Variants in P2RY8 observed in about 807,000 individuals in gnomAD.
P2RY8 encodes the protein P2Y receptor family member 8.
A neutral mutation model predicts 10.0 loss-of-function variants in P2RY8; 6 were observed. That is an observed-to-expected ratio of 0.60 (90% CI 0.33 to 1.19). The LOEUF (loss-of-function observed/expected upper bound fraction) is 1.19. Ranked by LOEUF, P2RY8 falls within the 50% of genes most tolerant of loss-of-function variation. The pLI is 0.04. For missense variants in P2RY8, 456 were observed against 542.0 expected (o/e 0.84, Z 1.58); for synonymous variants, 276 against 252.5 (o/e 1.09, Z -0.88).
intron 1 of P2RY8, among the ~76,000 whole-genome samples, chrX:1,523,983 G>A: frequency 6.6e-6 from 1 of 152,178 alleles, no homozygotes; most frequent in Non-Finnish European, 1.5e-5. Context: ...GAGCCACTGT[G>A]CCCGGCAAAG....
At chrX:1,527,330 A>G (rs1237989476) in intron 1 of P2RY8, among the ~76,000 whole-genome samples, 1 of 151,962 alleles carries the variant, frequency 6.6e-6, no homozygotes, top group Non-Finnish European at 1.5e-5. Flanking sequence ...CCATCCATCC[A>G]TCCATCCGTT....
At chrX:1,521,313 T>A (rs1327058007) in intron 1 of P2RY8, among the ~76,000 whole-genome samples, 1 of 152,156 alleles carries the variant, frequency 6.6e-6, no homozygotes. Context: ...CCCAAAGTGC[T>A]GGGATTACAG....
intron 1 of P2RY8, among the ~76,000 whole-genome samples, chrX:1,535,007 C>A (rs1390286328): frequency 2.6e-5 from 4 of 151,768 alleles, no homozygotes; most frequent in African/African-American, 9.7e-5. Flanking sequence ...CACAGGGTTG[C>A]CCACCGTCCC....
chrX:1,518,097 G>A (rs1485429204), intron 1 of P2RY8, among the ~76,000 whole-genome samples: 5 of 136,382 alleles, frequency 3.7e-5, no homozygotes, highest in Admixed American at 3.2e-4. Context: ...CAACAACAGC[G>A]AAACTCCATC....
At chrX:1,524,770 C>T in intron 1 of P2RY8, among the ~76,000 whole-genome samples, 1 of 103,396 alleles carries the variant, frequency 9.7e-6, no homozygotes, top group Non-Finnish European at 2.3e-5. Flanking sequence ...TCCATCCATC[C>T]ATCCATCCAT....
intron 1 of P2RY8, among the ~76,000 whole-genome samples, chrX:1,509,811 A>ATCCATCCAT (rs1569538170): frequency 4.5e-5 from 4 of 89,182 alleles, no homozygotes; most frequent in African/African-American, 7.4e-5. Context: ...CTATCTATCT[A>ATCCATCCAT]TCTATCTATC....
intron 1 of P2RY8, among the ~76,000 whole-genome samples, chrX:1,471,630 G>T (rs1315041159): frequency 1.3e-5 from 2 of 152,004 alleles, no homozygotes; most frequent in Non-Finnish European, 2.9e-5. Flanking sequence ...TGGCTATTGT[G>T]CATAAAGCTG....
At chrX:1,484,174 T>A (rs1603456715) in intron 1 of P2RY8, among the ~76,000 whole-genome samples, 1 of 152,150 alleles carries the variant, frequency 6.6e-6, no homozygotes, top group Non-Finnish European at 1.5e-5. Context: ...GTTTTTCTCT[T>A]GCTCCCTGGA....
At chrX:1,527,006 G>T (rs182751405) in intron 1 of P2RY8, among the ~76,000 whole-genome samples, 2 of 152,240 alleles carry the variant, frequency 1.3e-5, no homozygotes, top group Non-Finnish European at 2.9e-5. Flanking sequence ...GGATTCTCCT[G>T]CCTCAGCCTC....
At chrX:1,500,661 TG>T (rs2083996022) in intron 1 of P2RY8, among the ~76,000 whole-genome samples, 1 of 152,100 alleles carries the variant, frequency 6.6e-6, no homozygotes, top group Non-Finnish European at 1.5e-5. Flanking sequence ...TTGGCCAGGC[TG>T]GTCTCGAACT....
intron 1 of P2RY8, among the ~76,000 whole-genome samples, chrX:1,502,469 G>A (rs2092190000): frequency 1.3e-5 from 2 of 152,038 alleles, no homozygotes; most frequent in South Asian, 4.2e-4. Context: ...TGGGGACCCT[G>A]TTTGCCTCCC....
intron 1 of P2RY8, among the ~76,000 whole-genome samples, chrX:1,490,346 G>C (rs1475792022): frequency 6.7e-6 from 1 of 148,410 alleles, no homozygotes; most frequent in Non-Finnish European, 1.5e-5. Context: ...TGCAAATGTA[G>C]AGAGAATGAA....
chrX:1,466,100 G>A lies in P2RY8; in HGVS notation c.459C>T (p.Thr153=), dbSNP rs375271900. The stretch of plus-strand genomic sequence containing the variant: ...CGGTGCGCGCCAGCGGGGACAGGGC[G>A]GTCAGGAGCAGCAGCCAGGTCCCTG... ...ACAGTWLLLL[T]ALSPLARTDL... Residue 153 remains threonine, a synonymous_variant, in exon 2 of 2, where the codon ACC becomes ACT. Coordinates refer to ENST00000381297, the MANE Select transcript of P2RY8 (RefSeq NM_178129.5). 6.8e-6 allele frequency: 11 copies of A among 1,611,472 alleles called. No individual in the cohort carries two copies. The highest frequency in any genetic ancestry group is 8.5e-6 in the Non-Finnish European group (10 of 1,179,588).
At chrX:1,477,973 G>A (rs751765975) in intron 1 of P2RY8, among the ~76,000 whole-genome samples, 255 of 152,242 alleles carry the variant, frequency 1.7e-3, no homozygotes, top group Non-Finnish European at 2.7e-3. Context: ...ATGCCTGCAC[G>A]TGCCCCTCAT....
At chrX:1,468,974 CCCCTCTCCCCTCT>C (rs1341573195) in intron 1 of P2RY8, among the ~76,000 whole-genome samples, 13 of 732 alleles carry the variant, frequency 0.018, no homozygotes, top group African/African-American at 0.023. Context: ...TCTCCCCTCT[CCCCTCTCCCCTCT>C]CCTTCCCTCT....
At chrX:1,528,811 T>C (rs1311687554) in intron 1 of P2RY8, among the ~76,000 whole-genome samples, 2 of 152,132 alleles carry the variant, frequency 1.3e-5, no homozygotes, top group Non-Finnish European at 2.9e-5. Context: ...TGATTGCGTG[T>C]GGGTTTGAGT....
chrX:1,536,269 T>G (rs2092526036), intron 1 of P2RY8, among the ~76,000 whole-genome samples: 1 of 150,860 alleles, frequency 6.6e-6, no homozygotes, highest in African/African-American at 2.4e-5. Context: ...TTTTTTTTGT[T>G]TTTTTTTTTC....
intron 1 of P2RY8, among the ~76,000 whole-genome samples, chrX:1,499,352 G>A (rs59411093): frequency 0.033 from 5,070 of 151,796 alleles, 261 homozygotes; most frequent in African/African-American, 0.11. Flanking sequence ...TTTTAGTAGA[G>A]ACGGGGTTTC....
At chrX:1,509,796 C>CCATTCTAT (rs1435428661) in intron 1 of P2RY8, among the ~76,000 whole-genome samples, 1,559 of 104,886 alleles carry the variant, frequency 0.015, 30 homozygotes, top group African/African-American at 0.044. Context: ...ATGTATCCAT[C>CCATTCTAT]CTATCTATCT....
Sources: allele counts gnomAD v4.1 joint callset (sites outside exome capture counted in the v4.1 genomes callset), GRCh38; gene constraint gnomAD v4.1.1; transcripts MANE v1.5; gene names NCBI Gene and HGNC (gene_info 2026-07-23, HGNC 2026-07-21).